Variants in DENND6A observed in about 807,000 individuals in gnomAD.
DENND6A encodes the protein protein DENND6A.
Under a neutral mutation model 95.5 loss-of-function variants are expected in DENND6A, and 43 were observed. The ratio of observed to expected loss-of-function variants is 0.45; its 90% CI spans 0.35 to 0.58. The LOEUF is 0.58. DENND6A is among the 20% of genes least tolerant of loss of function. The probability of loss-of-function intolerance (pLI) is 0.00; values close to 1 mark genes in which losing one functional copy is unlikely to be tolerated. For missense variants in DENND6A, 574 were observed against 736.0 expected (o/e 0.78, Z 2.55); for synonymous variants, 257 against 260.4 (o/e 0.99, Z 0.13).
intron 5 of DENND6A, among the ~76,000 whole-genome samples, chr3:57,662,573 AGTTT>A (rs1414119383): frequency 2.0e-5 from 3 of 152,016 alleles, no homozygotes; most frequent in Admixed American, 6.5e-5. Flanking sequence ...ATGTTGCTAA[AGTTT>A]ATTTACTGGC....
In DENND6A at chr3:57,671,685, G is replaced by A. The variant is rs140862607; in HGVS notation, c.319+571C>T. 1.3e-3 allele frequency among the ~76,000 whole-genome samples: 199 copies of A among 152,280 alleles called. 6 individuals are homozygous for A. The East Asian group carries it at 0.024, about 19-fold the overall frequency. ...GTGAAACACAAGAGGTAACCTGAAG[G>A]ATGTCAACGATTAGGACCACACAAA... On this transcript the variant is annotated intron_variant, in intron 3 of 19. Coordinates refer to ENST00000311128, the MANE Select transcript of DENND6A (RefSeq NM_152678.3).
chr3:57,657,564 A>C (rs1409094582), intron 9 of DENND6A, 116 bp downstream of exon 9: 1 of 661,146 alleles, frequency 1.5e-6, no homozygotes, highest in African/African-American at 1.9e-5. Context: ...CATGTAAAAC[A>C]TAACTATTTT....
At chr3:57,642,756 G>A (rs2070975368) in intron 11 of DENND6A, among the ~76,000 whole-genome samples, 1 of 152,078 alleles carries the variant, frequency 6.6e-6, no homozygotes, top group South Asian at 2.1e-4. Context: ...TGTAATCCCA[G>A]CCCTTTGGGA....
At chr3:57,635,713 CTAAAAAA>C (rs2070777687) in intron 12 of DENND6A, among the ~76,000 whole-genome samples, 2 of 152,234 alleles carry the variant, frequency 1.3e-5, no homozygotes, top group Non-Finnish European at 2.9e-5. Context: ...TCTTATATTG[CTAAAAAA>C]TTTTAAGAGT....
In DENND6A at chr3:57,641,592, A is replaced by G. The variant is rs1465235918; in HGVS notation, c.1132+61T>C. On this transcript the variant is annotated intron_variant, in intron 12 of 19. Transcript: ENST00000311128. ...ACATAAAAAATAATCAAGGATGAAA[A>G]GAAAGAAACCTGTTCAGCAACACTG... is the stretch of plus-strand genomic sequence containing the variant. The G allele has an allele frequency of 2.2e-6, 3 of 1,384,966 alleles. No homozygotes were observed. The Admixed American group carries it at 7.2e-5, about 33-fold the overall frequency. 85.8% of individuals were successfully genotyped at this position (1,384,966 alleles called of 1,614,324 possible).
intron 9 of DENND6A, among the ~76,000 whole-genome samples, chr3:57,647,309 A>T (rs1042702872): frequency 1.3e-5 from 2 of 152,184 alleles, no homozygotes; most frequent in Non-Finnish European, 2.9e-5. Flanking sequence ...ACAACAAAAA[A>T]ACAGCTCATG....
Position 57,630,922 on chromosome 3 carries a change from T to C in DENND6A, c.1407+3A>G. 1 of 1,613,572 alleles carries C rather than the reference T, an allele frequency of 6.2e-7. No homozygotes were observed. The highest frequency in any genetic ancestry group is 8.5e-7 in the Non-Finnish European group (1 of 1,179,880). On this transcript the variant is annotated splice_donor_region_variant and intron_variant, in intron 16 of 19. Coordinates refer to ENST00000311128, the MANE Select transcript of DENND6A (RefSeq NM_152678.3). ...ACCCAAATAGATTTGAATATATTCA[T>C]ACCTTCCATGGGGAAATACTTTTCT...
At chr3:57,637,873 C>G (rs149993218) in intron 12 of DENND6A, among the ~76,000 whole-genome samples, 1 of 151,446 alleles carries the variant, frequency 6.6e-6, no homozygotes, top group South Asian at 2.1e-4. Context: ...CAGTGGCTCA[C>G]GCTTGTAACC....
chr3:57,662,185 C>CTTTTTTTTTTTTTTTTTTTTTTTTTTTT (rs60063768), intron 5 of DENND6A, among the ~76,000 whole-genome samples: 2 of 79,136 alleles, frequency 2.5e-5, no homozygotes, highest in Non-Finnish European at 4.5e-5. Flanking sequence ...TTTCTTTTTT[C>CTTTTTTTTTTTTTTTTTTTTTTTTTTTT]TTTTTTTTTT....
At chr3:57,629,677 A>T (rs2070621737) in intron 18 of DENND6A, among the ~76,000 whole-genome samples, 1 of 147,170 alleles carries the variant, frequency 6.8e-6, no homozygotes, top group South Asian at 2.1e-4. Flanking sequence ...ACGCCCGGCT[A>T]ATTTTTTTTT....
chr3:57,629,505 C>T (rs1253098477), intron 18 of DENND6A, among the ~76,000 whole-genome samples: 4 of 145,182 alleles, frequency 2.8e-5, no homozygotes, highest in Admixed American at 1.4e-4. Context: ...AAAATCAGTC[C>T]GCTTTTTTTT....
At chr3:57,644,115 A>C (rs2071012572) in intron 11 of DENND6A, among the ~76,000 whole-genome samples, 1 of 145,724 alleles carries the variant, frequency 6.9e-6, no homozygotes, top group African/African-American at 2.6e-5. Context: ...GCGCCATTGC[A>C]CTCCCTCCTG....
chr3:57,654,650 C>T (rs2071286247), intron 9 of DENND6A: 1 of 985,254 alleles, frequency 1.0e-6, no homozygotes, highest in South Asian at 4.7e-5. Context: ...TCTAATCTCA[C>T]CTCAAAAACA....
chr3:57,661,575 T>C (rs749848594), intron 5 of DENND6A, 24 bp from the exon 6 acceptor site: 3 of 1,531,026 alleles, frequency 2.0e-6, no homozygotes, highest in East Asian at 2.4e-5. Context: ...AAAAACAATG[T>C]TTTAAAAATT....
intron 12 of DENND6A, among the ~76,000 whole-genome samples, chr3:57,635,097 G>A (rs770801273): frequency 8.5e-5 from 13 of 152,078 alleles, no homozygotes; most frequent in Non-Finnish European, 1.9e-4. Flanking sequence ...ACATAAAACT[G>A]AAAATTTAGA....
At chr3:57,644,184 A>G in intron 11 of DENND6A, among the ~76,000 whole-genome samples, 1 of 151,988 alleles carries the variant, frequency 6.6e-6, no homozygotes, top group Non-Finnish European at 1.5e-5. Flanking sequence ...GTCTGAAATC[A>G]GAACTCAGAA....
chr3:57,673,606 A>G (rs1575858135), intron 1 of DENND6A, among the ~76,000 whole-genome samples: 1 of 152,266 alleles, frequency 6.6e-6, no homozygotes, highest in African/African-American at 2.4e-5. Context: ...CAAAGAAATG[A>G]TAAATGCTTG....
At chr3:57,629,029 A>C (rs2070598200) in intron 18 of DENND6A, 144 bp from the exon 19 acceptor site, 5 of 570,776 alleles carry the variant, frequency 8.8e-6, no homozygotes, top group Non-Finnish European at 1.5e-5. Context: ...TTATAGTGCA[A>C]GAATAATTCT....
chr3:57,633,026 A>C (rs112220496), intron 15 of DENND6A, among the ~76,000 whole-genome samples: 2 of 152,350 alleles, frequency 1.3e-5, no homozygotes, highest in African/African-American at 4.8e-5. Flanking sequence ...AAGTGGAATC[A>C]GCCATATTTC....
Sources: gnomAD v4.1 joint callset for allele counts (sites outside exome capture counted in the v4.1 genomes callset) on GRCh38, gnomAD v4.1.1 for gene constraint, MANE v1.5 for transcripts, NCBI Gene and HGNC (gene_info 2026-07-23, HGNC 2026-07-21) for gene names.